BCAR3: variants seen among roughly 807,000 people sequenced by gnomAD.
BCAR3 encodes BCAR3 adaptor protein, NSP family member.
In BCAR3, 37 loss-of-function variants were observed where a neutral mutation model predicts 80.1. The observed-to-expected ratio is 0.46, with a 90% CI of 0.36 to 0.61. BCAR3 has a LOEUF of 0.61. Among genes scored for constraint, BCAR3 ranks in the 20% least tolerant of loss-of-function variants. BCAR3 has a pLI of 0.00. For synonymous variants in BCAR3, 389 were observed against 418.9 expected (o/e 0.93, Z 0.87); for missense variants, 978 against 1,068.2 (o/e 0.92, Z 1.18).
At position 93,592,274 on chromosome 1, in the gene BCAR3, G is replaced by C. The variant is rs768817148; in HGVS notation, c.477C>G (p.Ile159Met). ...LRSHAWYHGRIPRQVSENLVQ... is the reference protein window; with the variant it reads ...LRSHAWYHGRMPRQVSENLVQ... ...GGACAAGACCAGGTACCTGTCGGGGGATGCGGCCGTGGTACCAGGCATGGC... is the reference window on the plus strand; with the variant it reads ...GGACAAGACCAGGTACCTGTCGGGGCATGCGGCCGTGGTACCAGGCATGGC... The change falls in exon 4 of 12, where the codon ATC becomes ATG. Residue 159 changes from isoleucine to methionine, a missense_variant. By Grantham distance (10) the Ile-to-Met change is conservative (BLOSUM62 1). Coordinates refer to ENST00000260502, the MANE Select transcript of BCAR3 (RefSeq NM_003567.4). This position sits in a 1 kb window ranked among gnomAD's most constrained non-coding sequence, Gnocchi z 4.8. The C allele has an allele frequency of 1.2e-6, 2 of 1,613,362 alleles. No homozygotes were observed. Among genetic ancestry groups the C allele is most frequent in the Non-Finnish European group, 1.7e-6 (2 of 1,179,990 alleles).
chr1:93,614,202 A>T, intron 3 of BCAR3: 1 of 1,213,196 alleles, frequency 8.2e-7, no homozygotes, highest in Non-Finnish European at 1.0e-6. Flanking sequence ...TCATGTGACC[A>T]GACTTGCTTT....
chr1:93,575,875 T>G (rs906560021), intron 8 of BCAR3, 139 bp downstream of exon 8: 1 of 631,702 alleles, frequency 1.6e-6, no homozygotes, highest in Admixed American at 3.0e-5. Flanking sequence ...CTGGGAAGAG[T>G]CGCTGTAGGC....
chr1:93,835,267 G>A (rs1157661557), intron 2 of BCAR3, among the ~76,000 whole-genome samples: 1 of 152,132 alleles, frequency 6.6e-6, no homozygotes, highest in African/African-American at 2.4e-5. Context: ...CTCTTCTCAA[G>A]GCTGCTTTAC....
chr1:93,813,564 T>C (rs1653920808), intron 2 of BCAR3, among the ~76,000 whole-genome samples: 1 of 152,210 alleles, frequency 6.6e-6, no homozygotes, highest in Admixed American at 6.5e-5. Context: ...GATTCACCTA[T>C]TGCTTTCATT....
intron 2 of BCAR3, among the ~76,000 whole-genome samples, chr1:93,658,880 G>A (rs1647519836): frequency 6.6e-6 from 1 of 152,142 alleles, no homozygotes; most frequent in African/African-American, 2.4e-5. Context: ...GAACCTCTCT[G>A]TTTACCAGAA....
intron 2 of BCAR3, among the ~76,000 whole-genome samples, chr1:93,837,918 T>G (rs570955461): frequency 6.6e-6 from 1 of 152,232 alleles, no homozygotes; most frequent in Non-Finnish European, 1.5e-5. Flanking sequence ...GAAGAATTAA[T>G]TGATCCATTC....
chr1:93,659,529 A>G (rs1007719811), intron 2 of BCAR3, among the ~76,000 whole-genome samples: 5 of 152,086 alleles, frequency 3.3e-5, no homozygotes, highest in Admixed American at 2.6e-4. Context: ...TTTTGCATCT[A>G]CTGGACAATA....
chr1:93,809,986 A>C (rs931707650), intron 2 of BCAR3, among the ~76,000 whole-genome samples: 6 of 151,904 alleles, frequency 3.9e-5, no homozygotes, highest in Non-Finnish European at 8.8e-5. Context: ...GGATCACCTG[A>C]GGTCAGGAGT....
chr1:93,678,200 G>A lies in BCAR3; in HGVS notation c.-11-3259C>T, dbSNP rs140894943. On this transcript the variant is annotated intron_variant, in intron 1 of 11. Transcript: ENST00000260502. Reference sequence around the variant, plus strand: ...ATCAGTCTCCAGTATTGACCAATGTGAAGCCAGGATTGAGAACCACTGGAT... The same window carrying A: ...ATCAGTCTCCAGTATTGACCAATGTAAAGCCAGGATTGAGAACCACTGGAT... Among the ~76,000 whole-genome samples, 972 of 152,336 alleles carry A rather than the reference G, an allele frequency of 6.4e-3. 11 individuals carry two copies. The highest frequency in any genetic ancestry group is 0.023 in the African/African-American group (946 of 41,578).
At chr1:93,767,389 T>C (rs1355324974) in intron 2 of BCAR3, among the ~76,000 whole-genome samples, 1 of 152,030 alleles carries the variant, frequency 6.6e-6, no homozygotes, top group East Asian at 1.9e-4. Context: ...CCAGGTATGG[T>C]GTCATGTGCC....
chr1:93,734,121 G>A, intron 2 of BCAR3, among the ~76,000 whole-genome samples: 1 of 152,192 alleles, frequency 6.6e-6, no homozygotes, highest in East Asian at 1.9e-4. Flanking sequence ...CTCTTCAGAT[G>A]GAGTTCCAGG....
At chr1:93,579,490 G>T (rs1673612363) in intron 7 of BCAR3, among the ~76,000 whole-genome samples, 1 of 152,098 alleles carries the variant, frequency 6.6e-6, no homozygotes, top group African/African-American at 2.4e-5. Context: ...TTGTCCAGGG[G>T]TGCCTGCAGG....
intron 3 of BCAR3, among the ~76,000 whole-genome samples, chr1:93,611,781 T>C (rs952927030): frequency 1.3e-5 from 2 of 152,214 alleles, no homozygotes; most frequent in African/African-American, 4.8e-5. Flanking sequence ...ACCCTCTATA[T>C]TTTTAGTTTT....
chr1:93,767,288 C>T (rs552612629), intron 2 of BCAR3, among the ~76,000 whole-genome samples: 27 of 152,096 alleles, frequency 1.8e-4, no homozygotes, highest in Non-Finnish European at 3.5e-4. Context: ...TTTCGGAGGC[C>T]GAGGCAGGCG....
At chr1:93,796,670 T>TG (rs747448984) in intron 2 of BCAR3, among the ~76,000 whole-genome samples, 1 of 152,208 alleles carries the variant, frequency 6.6e-6, no homozygotes, top group Non-Finnish European at 1.5e-5. Context: ...TCGGCCATCT[T>TG]GGCTCCTCCC....
At chr1:93,567,592 C>G in intron 10 of BCAR3, 101 bp from the exon 11 acceptor site, 1 of 1,439,588 alleles carries the variant, frequency 6.9e-7, no homozygotes, top group Non-Finnish European at 9.5e-7. Flanking sequence ...CAACTGCAGC[C>G]TTCTACAAGC....
intron 4 of BCAR3, among the ~76,000 whole-genome samples, chr1:93,590,811 T>C (rs1394295919): frequency 6.6e-6 from 1 of 152,212 alleles, no homozygotes; most frequent in East Asian, 1.9e-4. Flanking sequence ...AGAAACACCC[T>C]ATGTGTCCAG....
At chr1:93,783,661 A>G (rs1462311453) in intron 2 of BCAR3, among the ~76,000 whole-genome samples, 1 of 152,250 alleles carries the variant, frequency 6.6e-6, no homozygotes, top group Non-Finnish European at 1.5e-5. Context: ...GTAGAAAAAC[A>G]TATTCAGTAT....
At chr1:93,695,276 C>A (rs1649349400) in intron 3 of BCAR3, among the ~76,000 whole-genome samples, 1 of 152,122 alleles carries the variant, frequency 6.6e-6, no homozygotes, top group African/African-American at 2.4e-5. Flanking sequence ...TTCAGAGAAA[C>A]CCCACAACCC....
Sources: allele counts gnomAD v4.1 joint callset (sites outside exome capture counted in the v4.1 genomes callset), GRCh38; gene constraint gnomAD v4.1.1; non-coding constraint Gnocchi (gnomAD v3.1); transcripts MANE v1.5; gene names NCBI Gene and HGNC (gene_info 2026-07-23, HGNC 2026-07-21).